Variants in GRID2 observed in about 807,000 individuals in gnomAD.
GRID2 encodes glutamate receptor ionotropic, delta-2.
A neutral mutation model predicts 114.8 loss-of-function variants in GRID2; 33 were observed. The ratio of observed to expected loss-of-function variants is 0.29; its 90% CI spans 0.22 to 0.38. The LOEUF is 0.38. Ranked by LOEUF, GRID2 falls within the 10% of genes least tolerant of loss-of-function variation. The pLI is 1.00. For missense variants in GRID2, 1,184 were observed against 1,257.7 expected (o/e 0.94, Z 0.89); for synonymous variants, 505 against 449.9 (o/e 1.12, Z -1.55).
chr4:93,276,372 C>A (rs1458744648), intron 8 of GRID2, among the ~76,000 whole-genome samples: 2 of 151,960 alleles, frequency 1.3e-5, no homozygotes, highest in Non-Finnish European at 2.9e-5. Context: ...ATTTTGAAAT[C>A]ATAATGTGTG....
intron 4 of GRID2, among the ~76,000 whole-genome samples, chr4:93,149,652 G>A (rs1214932240): frequency 2.0e-5 from 3 of 151,560 alleles, no homozygotes; most frequent in Admixed American, 2.0e-4. Flanking sequence ...TTATTTATTA[G>A]AGACAGGGTC....
intron 1 of GRID2, among the ~76,000 whole-genome samples, chr4:92,413,204 T>C (rs1244348865): frequency 6.6e-6 from 1 of 152,214 alleles, no homozygotes; most frequent in Non-Finnish European, 1.5e-5. Flanking sequence ...TTAGTGAGTT[T>C]CTTGATAGGA....
At chr4:92,561,361 A>G (rs1727096160) in intron 1 of GRID2, among the ~76,000 whole-genome samples, 1 of 152,202 alleles carries the variant, frequency 6.6e-6, no homozygotes, top group African/African-American at 2.4e-5. Context: ...TTGAGTTTAT[A>G]CCTTACTTCC....
rs182948453 is a variant in GRID2, at chr4:92,932,369, A to T, written c.245-152626A>T. Among the ~76,000 whole-genome samples, 12 of 151,516 alleles carry T rather than the reference A, an allele frequency of 7.9e-5. No homozygotes were observed. The East Asian group carries it at 2.3e-3, about 29-fold the overall frequency. Reference sequence around the variant, plus strand: ...CACAACTACAATGGCTTTTAGACACACACACATACATGCACACATGCACAC... The same window carrying T: ...CACAACTACAATGGCTTTTAGACACTCACACATACATGCACACATGCACAC... On this transcript the variant is annotated intron_variant, in intron 2 of 15. Transcript: ENST00000282020.
chr4:92,963,259 C>T (rs1752938223), intron 2 of GRID2, among the ~76,000 whole-genome samples: 1 of 152,052 alleles, frequency 6.6e-6, no homozygotes, highest in African/African-American at 2.4e-5. Flanking sequence ...TCAATTGCCT[C>T]TTTGTTTCAC....
At chr4:93,580,556 T>A (rs1736871626) in intron 13 of GRID2, among the ~76,000 whole-genome samples, 1 of 152,194 alleles carries the variant, frequency 6.6e-6, no homozygotes, top group African/African-American at 2.4e-5. Flanking sequence ...TTGATAACTG[T>A]TTTGTTGCAC....
intron 14 of GRID2, among the ~76,000 whole-genome samples, chr4:93,632,489 C>G (rs1470566978): frequency 2.6e-5 from 4 of 152,140 alleles, no homozygotes; most frequent in African/African-American, 7.2e-5. Flanking sequence ...TTCCCCATTT[C>G]TTGTTTTTGT....
At chr4:92,454,944 T>TAAAACCAAACTAAAA (rs1721130612) in intron 1 of GRID2, among the ~76,000 whole-genome samples, 1 of 152,088 alleles carries the variant, frequency 6.6e-6, no homozygotes, top group African/African-American at 2.4e-5. Flanking sequence ...CTAGAGTATT[T>TAAAACCAAACTAAAA]AAAAAAAATT....
intron 1 of GRID2, among the ~76,000 whole-genome samples, chr4:93,791,895 T>G (rs1008641688): frequency 6.6e-6 from 1 of 152,236 alleles, no homozygotes; most frequent in Non-Finnish European, 1.5e-5. Context: ...TAAAGTATTT[T>G]AAATAGACTT....
intron 7 of GRID2, among the ~76,000 whole-genome samples, chr4:93,235,708 G>A (rs1746704995): frequency 6.6e-6 from 1 of 152,022 alleles, no homozygotes; most frequent in African/African-American, 2.4e-5. Flanking sequence ...AAATCACAAA[G>A]TCATAAAGTT....
chr4:92,871,956 T>C (rs1745310605), intron 2 of GRID2, among the ~76,000 whole-genome samples: 1 of 152,116 alleles, frequency 6.6e-6, no homozygotes, highest in Non-Finnish European at 1.5e-5. Context: ...TATAGTGAAA[T>C]TTGCGTATAA....
At chr4:92,603,051 G>C (rs1729294111) in intron 2 of GRID2, among the ~76,000 whole-genome samples, 1 of 151,964 alleles carries the variant, frequency 6.6e-6, no homozygotes, top group Non-Finnish European at 1.5e-5. Flanking sequence ...AAATCAGAGA[G>C]GACACAAAGA....
At chr4:92,645,040 A>G (rs1341378110) in intron 2 of GRID2, among the ~76,000 whole-genome samples, 1 of 151,578 alleles carries the variant, frequency 6.6e-6, no homozygotes, top group Non-Finnish European at 1.5e-5. Flanking sequence ...CATAAACATA[A>G]TTGCAATTAT....
intron 11 of GRID2, among the ~76,000 whole-genome samples, chr4:93,464,883 T>C (rs1724123708): frequency 6.6e-6 from 1 of 152,220 alleles, no homozygotes; most frequent in African/African-American, 2.4e-5. Context: ...CTGCTTCAGT[T>C]GTTTTCTAGC....
At chr4:92,951,184 A>G (rs1178828380) in intron 2 of GRID2, among the ~76,000 whole-genome samples, 1 of 152,022 alleles carries the variant, frequency 6.6e-6, no homozygotes, top group African/African-American at 2.4e-5. Context: ...TATTATTTCC[A>G]TGGTTGTCAT....
chr4:92,539,023 C>G (rs901146610), intron 1 of GRID2, among the ~76,000 whole-genome samples: 7 of 132,970 alleles, frequency 5.3e-5, no homozygotes, highest in South Asian at 2.3e-4. Context: ...GCCTGGGCGA[C>G]AGAGCAAGAC....
rs868667334 is a variant in GRID2, at chr4:93,466,611, C to T, written c.1858+10637C>T. ...TACCATGGAAAGGGGCAGTAACTCC[C>T]GAGTGTTGCCATGGCAGTGGTAAAT... On this transcript the variant is annotated intron_variant, in intron 11 of 15. Transcript: ENST00000282020. Among the ~76,000 whole-genome samples, 6 of 152,000 alleles carry T rather than the reference C, an allele frequency of 3.9e-5. No homozygotes were observed. In the South Asian group the frequency reaches 6.2e-4, roughly 16 times the overall value.
At chr4:93,459,073 A>G (rs1042452384) in intron 11 of GRID2, among the ~76,000 whole-genome samples, 1 of 150,022 alleles carries the variant, frequency 6.7e-6, no homozygotes, top group Non-Finnish European at 1.5e-5. Context: ...CCAGCTACTC[A>G]GGAGGCTGAG....
At chr4:93,028,485 A>T (rs943604379) in intron 2 of GRID2, among the ~76,000 whole-genome samples, 1 of 152,134 alleles carries the variant, frequency 6.6e-6, no homozygotes, top group Non-Finnish European at 1.5e-5. Context: ...CGCCTTTATA[A>T]GGAAGAGTGA....
Sources: allele counts gnomAD v4.1 joint callset (sites outside exome capture counted in the v4.1 genomes callset), GRCh38; gene constraint gnomAD v4.1.1; transcripts MANE v1.5; gene names NCBI Gene and HGNC (gene_info 2026-07-23, HGNC 2026-07-21).